PDGFRB: variants seen among roughly 807,000 people sequenced by gnomAD.
The protein encoded by PDGFRB is platelet-derived growth factor receptor beta.
Under a neutral mutation model 120.2 loss-of-function variants are expected in PDGFRB, and 42 were observed. The ratio of observed to expected loss-of-function variants is 0.35; its 90% CI spans 0.27 to 0.45. The LOEUF (loss-of-function observed/expected upper bound fraction) is 0.45, where lower values mean the gene tolerates loss of function less well. PDGFRB is among the 20% of genes least tolerant of loss of function. PDGFRB has a pLI of 1.00. For synonymous variants in PDGFRB, 586 were observed against 606.8 expected, an observed-to-expected ratio of 0.97 and a Z score of 0.50; for missense variants, 1,149 against 1,476.3, an observed-to-expected ratio of 0.78 and a Z score of 3.63.
In PDGFRB at chr5:150,117,673, G is replaced by A. The variant is rs1382189753; in HGVS notation, c.3082C>T (p.Pro1028Ser). 2 of 1,613,900 alleles carry A rather than the reference G, an allele frequency of 1.2e-6. No homozygotes were observed. The highest frequency in any genetic ancestry group is 3.3e-5 in the Admixed American group (2 of 60,012). ...CCCTCGTCAGCAACCTCGGGTTTGG[G>A]GTCAGGCAGGGGGATGATATAGTCG... ...DNDYIIPLPD[P>S]KPEVADEGPL... The change falls in exon 22 of 23, where the codon CCC becomes TCC. Residue 1028 changes from proline (P) to serine (S), a missense_variant. Physicochemically the swap from Pro to Ser is moderately conservative, Grantham distance 74. Around this residue, in one of 3 missense-constraint regions of PDGFRB, gnomAD observed 202 missense variants for 214.3 expected, o/e 0.94. Coordinates refer to ENST00000261799, the MANE Select transcript of PDGFRB (RefSeq NM_002609.4).
Position 150,115,545 on chromosome 5 carries a change from C to G in PDGFRB, c.*218G>C. ...ACCCTGGCTCAGAGTCAGTTGGCCT[C>G]CCTGGAGGCAGAGGGCTGGTCACGG... On this transcript the variant is annotated 3_prime_UTR_variant, in exon 23 of 23. Transcript: ENST00000261799. The G allele has an allele frequency of 2.4e-6, 1 of 416,100 alleles. No homozygotes were observed. The highest frequency in any genetic ancestry group is 4.2e-6 in the Non-Finnish European group (1 of 238,610). 25.8% of individuals were successfully genotyped at this position (416,100 alleles called of 1,614,324 possible).
rs1212152922 is a variant in PDGFRB, at chr5:150,123,131, G to C, written c.2094C>G (p.His698Gln). 1 of 1,613,756 alleles carries C rather than the reference G, an allele frequency of 6.2e-7. No homozygotes were observed. Among genetic ancestry groups the C allele is most frequent in the Non-Finnish European group, 8.5e-7 (1 of 1,179,820 alleles). ...DLVDYLHRNK[H>Q]TFLQHHSDKR... ...TGTCGGAGTGGTGCTGCAGGAAGGT[G>C]TGTTTGTTGCGGTGCAGGTAGTCCA... Residue 698 changes from histidine to glutamine, a missense_variant, in exon 15 of 23, where the codon CAC (histidine) becomes CAG (glutamine). Physicochemically the swap from His to Gln is conservative, Grantham distance 24. Coordinates refer to ENST00000261799, the MANE Select transcript of PDGFRB (RefSeq NM_002609.4).
chr5:150,141,172 A>C (rs927228500), intron 1 of PDGFRB, among the ~76,000 whole-genome samples: 1 of 152,242 alleles, frequency 6.6e-6, no homozygotes, highest in Non-Finnish European at 1.5e-5. Flanking sequence ...GTACACACCC[A>C]CACAAAACAC....
chr5:150,115,926 T>C lies in PDGFRB; in HGVS notation c.3158A>G (p.Asn1053Ser), dbSNP rs766897807. ...SLASSTLNEV[N>S]TSSTISCDSP... ...GTCACAGGAGATGGTTGAGGAGGTG[T>C]TGACTTCATTCAGGGTGGAGCTAGA... is the stretch of plus-strand genomic sequence containing the variant. The change falls in exon 23 of 23, where the codon AAC becomes AGC. Residue 1053 changes from asparagine to serine, a missense_variant. This residue lies in a region of PDGFRB where 202 missense variants were observed against 214.3 expected (regional missense o/e 0.94). Coordinates refer to ENST00000261799, the MANE Select transcript of PDGFRB (RefSeq NM_002609.4). The C allele has an allele frequency of 4.4e-6, 7 of 1,581,260 alleles. No individual in the cohort carries two copies. Among genetic ancestry groups the C allele is most frequent in the East Asian group, 2.3e-5 (1 of 43,460 alleles).
At position 150,119,901 on chromosome 5, in the gene PDGFRB, C is replaced by A. The variant is rs889899986; in HGVS notation, c.2698+111G>T. On this transcript the variant is annotated intron_variant, in intron 19 of 22. Transcript: ENST00000261799. ...AAGGTAGCAGAGCTGGGACCTGAACCAGGATCCCTGTATCAGGGCTCGTCC... is the reference window on the plus strand; with the variant it reads ...AAGGTAGCAGAGCTGGGACCTGAACAAGGATCCCTGTATCAGGGCTCGTCC... 19 of 719,822 alleles carry A rather than the reference C, an allele frequency of 2.6e-5. No homozygotes were observed. In the Admixed American group the frequency reaches 3.7e-4, roughly 14 times the overall value. The allele number at this position is 719,822 out of a possible 1,614,324, so 44.6% of individuals were successfully genotyped here.
intron 22 of PDGFRB, 52 bp downstream of exon 22, chr5:150,117,566 A>G (rs55806103): frequency 1.7e-5 from 17 of 986,678 alleles, no homozygotes; most frequent in Admixed American, 9.2e-5. Flanking sequence ...ACACACACAC[A>G]CACACACACA....
chr5:150,138,561 C>T (rs1402632890), intron 1 of PDGFRB, among the ~76,000 whole-genome samples: 2 of 152,220 alleles, frequency 1.3e-5, no homozygotes, highest in Admixed American at 1.3e-4. Context: ...CTCCTCCCTC[C>T]TCCCTTTCAG....
chr5:150,125,866 C>G (rs1465326743), intron 11 of PDGFRB, among the ~76,000 whole-genome samples: 1 of 152,194 alleles, frequency 6.6e-6, no homozygotes, highest in Non-Finnish European at 1.5e-5. Flanking sequence ...TCTCTCCCAG[C>G]CTTCGCTGCT....
chr5:150,116,597 G>A (rs1037033359), intron 22 of PDGFRB, among the ~76,000 whole-genome samples: 5 of 151,270 alleles, frequency 3.3e-5, no homozygotes, highest in East Asian at 1.9e-4. Context: ...CAACAAGAGC[G>A]AAACTCCATC....
chr5:150,122,444 G>C (rs1006837603), intron 15 of PDGFRB, among the ~76,000 whole-genome samples: 5 of 151,918 alleles, frequency 3.3e-5, no homozygotes, highest in African/African-American at 1.2e-4. Context: ...AGAGCTGTGG[G>C]GCTCTACACA....
intron 11 of PDGFRB, among the ~76,000 whole-genome samples, chr5:150,126,263 G>T (rs2113897959): frequency 6.6e-6 from 1 of 152,260 alleles, no homozygotes; most frequent in Middle Eastern, 3.4e-3. Context: ...GAGAGGAATG[G>T]TGTCTCAGCA....
At chr5:150,135,260 G>A (rs1760588825) in intron 3 of PDGFRB, among the ~76,000 whole-genome samples, 7 of 152,232 alleles carry the variant, frequency 4.6e-5, no homozygotes, top group Admixed American at 4.6e-4. Context: ...GATATCTGGA[G>A]CTTGGAGAAT....
At chr5:150,117,427 C>T (rs937225597) in intron 22 of PDGFRB, among the ~76,000 whole-genome samples, 191 bp downstream of exon 22, 2 of 152,212 alleles carry the variant, frequency 1.3e-5, no homozygotes, top group Admixed American at 1.3e-4. Flanking sequence ...GCCCTTTCCA[C>T]CTCAGGGCAT....
Position 150,132,941 on chromosome 5 carries a change from C to T in PDGFRB, c.936G>A (p.Glu312=), listed in dbSNP as rs1367367619. ...DEKAINITVV[E]SGYVRLLGEV... is the part of the protein sequence containing the mutation. ...CTCCCAGGAGCCGCACGTAGCCGCT[C>T]TCTGCAAGGGGTGACCGTCAGGGGC... Residue 312 remains glutamate, a splice_region_variant and synonymous_variant, in exon 7 of 23, where the codon GAG becomes GAA. Coordinates refer to ENST00000261799, the MANE Select transcript of PDGFRB (RefSeq NM_002609.4). The surrounding 1 kb of genome is among the most constrained non-coding windows in gnomAD (Gnocchi z 5.0). 5 of 1,556,686 alleles carry T rather than the reference C, an allele frequency of 3.2e-6. No homozygotes were observed. In the Admixed American group the frequency reaches 5.8e-5, roughly 18 times the overall value.
chr5:150,130,041 T>C, intron 9 of PDGFRB, 73 bp from the exon 10 acceptor site: 1 of 1,204,158 alleles, frequency 8.3e-7, no homozygotes, highest in South Asian at 1.2e-5. Context: ...GAGAAACTGG[T>C]GGAAGGAGGC....
chr5:150,148,979 G>A (rs1204832668), intron 1 of PDGFRB, among the ~76,000 whole-genome samples: 1 of 152,200 alleles, frequency 6.6e-6, no homozygotes, highest in Non-Finnish European at 1.5e-5. Context: ...GGTAGGTGAT[G>A]GCCTGGGAAG....
At position 150,125,635 on chromosome 5, in the gene PDGFRB, T is replaced by C. The variant is rs944589934; in HGVS notation, c.1675-58A>G. The C allele has an allele frequency of 1.7e-5, 27 of 1,585,284 alleles. No homozygotes were observed. In the African/African-American group the frequency reaches 3.2e-4, roughly 19 times the overall value. The stretch of plus-strand genomic sequence containing the variant: ...AGGGAGTCTCAGGCCCTGAGCCCCA[T>C]TAGGTTCGTCCGTCTAGGACACATG... On this transcript the variant is annotated intron_variant, in intron 11 of 22. Transcript: ENST00000261799.
At chr5:150,123,318 G>A in intron 14 of PDGFRB, 117 bp from the exon 15 acceptor site, 1 of 727,888 alleles carries the variant, frequency 1.4e-6, no homozygotes, top group Non-Finnish European at 2.3e-6. Context: ...CGGCTAGGAG[G>A]CTTTAGTGCC....
intron 3 of PDGFRB, 67 bp downstream of exon 3, chr5:150,135,488 G>A (rs1261066826): frequency 2.0e-6 from 2 of 997,038 alleles, no homozygotes; most frequent in East Asian, 2.4e-5. Context: ...GCACTCTCTG[G>A]ACTTCCCCTG....
Sources: allele counts gnomAD v4.1 joint callset (sites outside exome capture counted in the v4.1 genomes callset), GRCh38; gene constraint gnomAD v4.1.1; regional missense constraint gnomAD v4.1.1; non-coding constraint Gnocchi (gnomAD v3.1); transcripts MANE v1.5; gene names NCBI Gene and HGNC (gene_info 2026-07-23, HGNC 2026-07-21).